ADGRF3: variants seen among roughly 807,000 people sequenced by gnomAD.
The protein encoded by ADGRF3 is G protein-coupled receptor 113.
Under a neutral mutation model 93.2 loss-of-function variants are expected in ADGRF3, and 85 were observed. The ratio of observed to expected loss-of-function variants is 0.91; its 90% CI spans 0.77 to 1.09. The LOEUF (loss-of-function observed/expected upper bound fraction) is 1.09, where lower values mean the gene tolerates loss of function less well. Among genes scored for constraint, ADGRF3 ranks in the 50% least tolerant of loss-of-function variants. The pLI is 0.00. For missense variants in ADGRF3, 1,125 were observed against 1,246.2 expected (o/e 0.90, Z 1.46); for synonymous variants, 534 against 532.5 (o/e 1.00, Z -0.04).
In ADGRF3 at chr2:26,336,722, T is replaced by TA. The variant is rs57691864; in HGVS notation, c.114+9398dup. ...ACCTTGGTGACAGAGTGAGACTCCA[T>TA]AAAAAAAAAAAAAAAAAAAAAAAAA... On this transcript the variant is annotated intron_variant, in intron 1 of 13. Coordinates refer to ENST00000651242, the MANE Select transcript of ADGRF3 (RefSeq NM_001321971.2). Among the ~76,000 whole-genome samples, 190 of 22,082 alleles carry TA rather than the reference T, an allele frequency of 8.6e-3. 26 individuals carry two copies. The highest frequency in any genetic ancestry group is 0.011 in the Non-Finnish European group (101 of 9,420). 14.5% of individuals were successfully genotyped at this position (22,082 alleles called of 152,430 possible).
At chr2:26,324,730 G>A (rs1183440174) in intron 1 of ADGRF3, among the ~76,000 whole-genome samples, 3 of 152,126 alleles carry the variant, frequency 2.0e-5, no homozygotes, top group Non-Finnish European at 4.4e-5. Flanking sequence ...TCATTGATGG[G>A]CATTTAGGTT....
chr2:26,317,495 C>A lies in ADGRF3; in HGVS notation c.181+1G>T. The A allele has an allele frequency of 6.3e-7, 1 of 1,589,808 alleles. No individual in the cohort carries two copies. The highest frequency in any genetic ancestry group is 1.3e-5 in the African/African-American group (1 of 74,252). On this transcript the variant is annotated splice_donor_variant, in intron 2 of 13. Transcript: ENST00000651242. LOFTEE classifies it high-confidence loss of function. ...CCTCCTCCTCCTGTCCATACACTCA[C>A]CCCCTGCTCCATTCTCTTGGTCCAG...
chr2:26,323,254 G>A (rs1675256009), intron 1 of ADGRF3, among the ~76,000 whole-genome samples: 1 of 152,176 alleles, frequency 6.6e-6, no homozygotes, highest in Non-Finnish European at 1.5e-5. Flanking sequence ...AGGCAAAGTG[G>A]AGTTCAGACC....
At chr2:26,319,149 A>G in intron 1 of ADGRF3, 1 of 1,266,932 alleles carries the variant, frequency 7.9e-7, no homozygotes, top group Non-Finnish European at 1.1e-6. Context: ...GAGGGGAGGG[A>G]GCCAGGGCTG....
chr2:26,308,790 G>A lies in ADGRF3; in HGVS notation c.*296C>T, dbSNP rs1673770740. On this transcript the variant is annotated 3_prime_UTR_variant, in exon 14 of 14. Transcript: ENST00000651242. The stretch of plus-strand genomic sequence containing the variant: ...TTGTAGTTAAAAACTGGTTGAGAAA[G>A]TTTACTTGTAATTATTCCGCACTTT... 2 of 411,020 alleles carry A rather than the reference G, an allele frequency of 4.9e-6. No individual in the cohort carries two copies. Among genetic ancestry groups the A allele is most frequent in the Admixed American group, 8.0e-5 (2 of 25,152 alleles). The allele number at this position is 411,020 out of a possible 1,614,324, so 25.5% of individuals were successfully genotyped here. A position where few individuals can be genotyped will look rare whatever the true frequency, so the allele number is the denominator to read the frequency against.
At chr2:26,336,066 A>G (rs1367904666) in intron 1 of ADGRF3, among the ~76,000 whole-genome samples, 1 of 152,200 alleles carries the variant, frequency 6.6e-6, no homozygotes, top group Non-Finnish European at 1.5e-5. Flanking sequence ...AGTAAGACAG[A>G]AAAGAATAGA....
At chr2:26,340,031 A>C (rs1676281393) in intron 1 of ADGRF3, among the ~76,000 whole-genome samples, 1 of 152,206 alleles carries the variant, frequency 6.6e-6, no homozygotes, top group Non-Finnish European at 1.5e-5. Context: ...TGGTTAATCA[A>C]ATCATTTTCT....
chr2:26,338,045 A>G (rs1177934734), intron 1 of ADGRF3, among the ~76,000 whole-genome samples: 1 of 152,094 alleles, frequency 6.6e-6, no homozygotes, highest in Non-Finnish European at 1.5e-5. Context: ...AAATAAATAA[A>G]TAGATAAATA....
chr2:26,314,513 T>C lies in ADGRF3; in HGVS notation c.829A>G (p.Ile277Val), dbSNP rs1193935547. The stretch of plus-strand genomic sequence containing the variant: ...AAGCCAGGGGAGGTGGCACAGGAGA[T>C]GGACAGCTGGTATGGAAGTCGAGCC... ...DVARLPYQLS[I>V]SCATSPGFQL... Residue 277 changes from isoleucine (I) to valine (V), a missense_variant, in exon 6 of 14, where the codon ATC becomes GTC. Transcript: ENST00000651242. 7 of 1,613,912 alleles carry C rather than the reference T, an allele frequency of 4.3e-6. No homozygotes were observed. Among genetic ancestry groups the C allele is most frequent in the East Asian group, 2.2e-5 (1 of 44,900 alleles).
chr2:26,309,468 G>T (rs1673844599), intron 13 of ADGRF3, 58 bp downstream of exon 13: 1 of 1,584,002 alleles, frequency 6.3e-7, no homozygotes, highest in South Asian at 1.2e-5. Flanking sequence ...GAGGCCCTTT[G>T]CCACACCGTC....
intron 1 of ADGRF3, among the ~76,000 whole-genome samples, chr2:26,318,409 CA>C (rs1197564608): frequency 6.6e-6 from 1 of 151,878 alleles, no homozygotes; most frequent in African/African-American, 2.4e-5. Flanking sequence ...GCCTGGGCAA[CA>C]TGGTGAGAGC....
chr2:26,346,649 A>C lies in ADGRF3; in HGVS notation c.-415T>G. On this transcript the variant is annotated 5_prime_UTR_variant, in exon 1 of 14. Coordinates refer to ENST00000651242, the MANE Select transcript of ADGRF3 (RefSeq NM_001321971.2). ...TCGCCTTCATTTTAGTGAAGTTTCC[A>C]CTCGCCTGTCATGCATACAACTTCG... 1.2e-5 allele frequency: 2 copies of C among 171,316 alleles called. No homozygotes were observed. The allele number at this position is 171,316 out of a possible 1,614,324, so 10.6% of individuals were successfully genotyped here.
At chr2:26,334,275 C>G (rs1035885244) in intron 1 of ADGRF3, among the ~76,000 whole-genome samples, 3 of 132,972 alleles carry the variant, frequency 2.3e-5, no homozygotes, top group African/African-American at 8.5e-5. Flanking sequence ...GGCAAGACAG[C>G]AAGCTATCAT....
chr2:26,331,411 G>A (rs972502486), intron 1 of ADGRF3, among the ~76,000 whole-genome samples: 2 of 152,140 alleles, frequency 1.3e-5, no homozygotes, highest in African/African-American at 4.8e-5. Flanking sequence ...TTAGCTGGGC[G>A]GGGTGGCACG....
intron 7 of ADGRF3, 36 bp downstream of exon 7, chr2:26,313,724 C>G: frequency 3.7e-6 from 6 of 1,611,058 alleles, no homozygotes; most frequent in Non-Finnish European, 4.2e-6. Context: ...AGGCAAGCAG[C>G]TGGGACCAGC....
chr2:26,314,372 C>G (rs941313720), intron 6 of ADGRF3, 42 bp downstream of exon 6: 3 of 1,568,228 alleles, frequency 1.9e-6, no homozygotes, highest in Middle Eastern at 2.3e-4. Context: ...GACAGCTGCC[C>G]CCTGGTCCCT....
chr2:26,327,551 CT>C (rs34569687), intron 1 of ADGRF3, among the ~76,000 whole-genome samples: 75 of 148,194 alleles, frequency 5.1e-4, no homozygotes, highest in African/African-American at 5.9e-4. Context: ...GACTGGGTAA[CT>C]TTTTTTTTTT....
At chr2:26,313,944 G>T (rs776308930) in intron 6 of ADGRF3, 41 bp from the exon 7 acceptor site, 1 of 1,611,060 alleles carries the variant, frequency 6.2e-7, no homozygotes, top group Admixed American at 1.7e-5. Flanking sequence ...TTGGGCCAGG[G>T]ACAGGCCTGG....
At chr2:26,316,591 A>T (rs554541547) in intron 3 of ADGRF3, 143 bp from the exon 4 acceptor site, 1 of 837,752 alleles carries the variant, frequency 1.2e-6, no homozygotes, top group Admixed American at 2.8e-5. Context: ...AGTCAGGCCC[A>T]TGCATCAGGA....
Sources: allele counts gnomAD v4.1 joint callset (sites outside exome capture counted in the v4.1 genomes callset), GRCh38; gene constraint gnomAD v4.1.1; transcripts MANE v1.5; gene names NCBI Gene and HGNC (gene_info 2026-07-23, HGNC 2026-07-21).